The following GRIN2B variants were observed in gnomAD, a reference collection of about 807,000 sequenced individuals.
The protein encoded by GRIN2B is glutamate ionotropic receptor NMDA type subunit 2B, also known as glutamate receptor ionotropic, NMDA 2B.
GRIN2B carries 5 observed loss-of-function variants against 114.5 expected under a neutral mutation model. That is an observed-to-expected ratio of 0.04 (90% CI 0.02 to 0.09). The LOEUF is 0.09. GRIN2B is among the 10% of genes least tolerant of loss of function. GRIN2B has a pLI of 1.00. For missense variants in GRIN2B, 1,108 were observed against 1,943.5 expected (o/e 0.57, Z 8.08); for synonymous variants, 787 against 745.1 (o/e 1.06, Z -0.92).
intron 4 of GRIN2B, among the ~76,000 whole-genome samples, chr12:13,685,997 T>C (rs555214114): frequency 1.3e-5 from 2 of 152,216 alleles, no homozygotes; most frequent in South Asian, 2.1e-4. Flanking sequence ...ATATTATGGA[T>C]CTGAAAACTG....
chr12:13,674,240 G>A (rs1183576226), intron 5 of GRIN2B, among the ~76,000 whole-genome samples: 2 of 151,952 alleles, frequency 1.3e-5, no homozygotes, highest in Non-Finnish European at 2.9e-5. Context: ...CACACCTATA[G>A]TCCCAGCTAC....
chr12:13,672,136 A>G (rs117526261), intron 5 of GRIN2B, among the ~76,000 whole-genome samples: 30 of 152,234 alleles, frequency 2.0e-4, no homozygotes, highest in Non-Finnish European at 3.8e-4. Context: ...CCAATCTGCT[A>G]TTTATTTGCA....
chr12:13,698,398 G>A (rs983862997), intron 4 of GRIN2B, among the ~76,000 whole-genome samples: 1 of 152,202 alleles, frequency 6.6e-6, no homozygotes, highest in Non-Finnish European at 1.5e-5. Flanking sequence ...ATTAGTTGAA[G>A]TTGCTTTGAT....
chr12:13,685,149 T>G (rs763961051), intron 4 of GRIN2B, among the ~76,000 whole-genome samples: 12 of 152,186 alleles, frequency 7.9e-5, no homozygotes, highest in Non-Finnish European at 1.5e-4. Flanking sequence ...TCCCTTTTGA[T>G]CTTTCTCCAT....
At chr12:13,607,367 T>A (rs56036953) in intron 10 of GRIN2B, among the ~76,000 whole-genome samples, 1 of 49,778 alleles carries the variant, frequency 2.0e-5, no homozygotes, top group Non-Finnish European at 3.3e-5. Context: ...ATAATATATA[T>A]TATATATTAT....
chr12:13,633,571 C>T (rs1245281080), intron 5 of GRIN2B, among the ~76,000 whole-genome samples: 1 of 152,148 alleles, frequency 6.6e-6, no homozygotes, highest in African/African-American at 2.4e-5. Context: ...TACCAGGTAT[C>T]GCCTGCCTGA....
rs2136377329 is a variant in GRIN2B at position 13,540,514 on chromosome 12, G to C, written c.*22269C>G. 3.2e-5 allele frequency: 2 copies of C among 62,466 alleles called. No homozygotes were observed. The highest frequency in any genetic ancestry group is 0.023 in the Middle Eastern group (2 of 86). The allele number at this position is 62,466 out of a possible 1,614,324, so 3.9% of individuals were successfully genotyped here. On this transcript the variant is annotated 3_prime_UTR_variant, in exon 14 of 14. Transcript: ENST00000609686. ...CCCACCCGACCCCAATGAGAAACAA[G>C]ATAAATCAAAAGAATGAAATCAACT...
Position 13,545,062 on chromosome 12 carries a change from C to G in GRIN2B, c.*17721G>C, listed in dbSNP as rs1353490547. On this transcript the variant is annotated 3_prime_UTR_variant, in exon 14 of 14. Transcript: ENST00000609686. Reference sequence around the variant, plus strand: ...TATTGCCCCCTCTCTGACCTCACCTCTCATACTCTCCTCCTCCCTCATTGG... The same window carrying G: ...TATTGCCCCCTCTCTGACCTCACCTGTCATACTCTCCTCCTCCCTCATTGG... 6.6e-6 allele frequency: 1 copy of G among 152,296 alleles called. No individual in the cohort carries two copies. The highest frequency in any genetic ancestry group is 6.5e-5 in the Admixed American group (1 of 15,278). 9.4% of individuals were successfully genotyped at this position (152,296 alleles called of 1,614,324 possible).
intron 5 of GRIN2B, among the ~76,000 whole-genome samples, chr12:13,654,634 T>C (rs1049949221): frequency 6.6e-6 from 1 of 152,154 alleles, no homozygotes; most frequent in African/African-American, 2.4e-5. Flanking sequence ...TTCACTGAGT[T>C]CCTGTATACA....
chr12:13,599,026 C>A (rs1021603778), intron 10 of GRIN2B, among the ~76,000 whole-genome samples: 19 of 152,218 alleles, frequency 1.2e-4, no homozygotes, highest in African/African-American at 4.6e-4. Flanking sequence ...TCTCTCCACT[C>A]TGGCCATTCT....
chr12:13,843,208 TCTC>T (rs1459038785), intron 3 of GRIN2B, among the ~76,000 whole-genome samples: 1 of 150,606 alleles, frequency 6.6e-6, no homozygotes, highest in Non-Finnish European at 1.5e-5. Context: ...TTTCTTATGT[TCTC>T]CTGAATCCCC....
intron 3 of GRIN2B, among the ~76,000 whole-genome samples, chr12:13,789,492 T>C (rs1375488526): frequency 2.0e-5 from 3 of 152,180 alleles, no homozygotes; most frequent in Admixed American, 2.0e-4. Context: ...AAAGGAAGAC[T>C]ATTTTGATGG....
At chr12:13,878,291 T>A (rs1425521580) in intron 2 of GRIN2B, among the ~76,000 whole-genome samples, 1 of 152,148 alleles carries the variant, frequency 6.6e-6, no homozygotes, top group Admixed American at 6.5e-5. Flanking sequence ...GCTGGTTGTA[T>A]CACTTGACTG....
intron 10 of GRIN2B, among the ~76,000 whole-genome samples, chr12:13,587,957 G>T (rs1336363695): frequency 6.6e-6 from 1 of 152,162 alleles, no homozygotes; most frequent in Non-Finnish European, 1.5e-5. Flanking sequence ...GGCAAAAACC[G>T]CGATTACTTT....
chr12:13,575,038 G>A (rs1948756305), intron 10 of GRIN2B, among the ~76,000 whole-genome samples: 1 of 152,118 alleles, frequency 6.6e-6, no homozygotes. Context: ...CACCTCATAA[G>A]ATACACAGAA....
At chr12:13,623,810 C>T (rs979428) in intron 5 of GRIN2B, among the ~76,000 whole-genome samples, 151,359 of 152,326 alleles carry the variant, frequency 0.99, 75,204 homozygotes, top group Middle Eastern at 1. Flanking sequence ...TAATATTCTT[C>T]TTAAATGGAG....
At chr12:13,692,760 C>CTTTCT (rs1427827056) in intron 4 of GRIN2B, among the ~76,000 whole-genome samples, 5,295 of 51,626 alleles carry the variant, frequency 0.1, 536 homozygotes, top group Non-Finnish European at 0.14. Context: ...TCTTTCTTTT[C>CTTTCT]TTTTTTTTTT....
intron 3 of GRIN2B, among the ~76,000 whole-genome samples, chr12:13,794,651 A>G (rs1035909753): frequency 3.3e-5 from 5 of 152,260 alleles, no homozygotes; most frequent in Non-Finnish European, 7.3e-5. Flanking sequence ...TGTTCAAGTC[A>G]ATTGAGTAAT....
At chr12:13,948,557 G>T (rs1283951095) in intron 2 of GRIN2B, among the ~76,000 whole-genome samples, 1 of 152,004 alleles carries the variant, frequency 6.6e-6, no homozygotes, top group African/African-American at 2.4e-5. Context: ...TTTCAACACG[G>T]TTGGTGGTGG....
Sources: gnomAD v4.1 joint callset for allele counts (sites outside exome capture counted in the v4.1 genomes callset) on GRCh38, gnomAD v4.1.1 for gene constraint, MANE v1.5 for transcripts, NCBI Gene and HGNC (gene_info 2026-07-23, HGNC 2026-07-21) for gene names.